Variants in CRAT observed in about 807,000 individuals in gnomAD.
The protein encoded by CRAT is carnitine acetylase.
In CRAT, 66 loss-of-function variants were observed where a neutral mutation model predicts 73.7. The observed-to-expected ratio is 0.90, with a 90% CI of 0.73 to 1.10. The LOEUF is 1.10. Ranked by LOEUF, CRAT falls within the 50% of genes least tolerant of loss-of-function variation. CRAT has a pLI of 0.00. For synonymous variants in CRAT, 321 were observed against 343.2 expected, an observed-to-expected ratio of 0.94 and a Z score of 0.71; for missense variants, 745 against 846.9, an observed-to-expected ratio of 0.88 and a Z score of 1.49.
intron 6 of CRAT, among the ~76,000 whole-genome samples, chr9:129,101,115 G>A (rs1383896821): frequency 6.6e-6 from 1 of 152,152 alleles, no homozygotes; most frequent in African/African-American, 2.4e-5. Context: ...CTCAGCCAGA[G>A]GACTTGGACT....
At chr9:129,108,408 C>T in intron 1 of CRAT, 2 of 1,184,958 alleles carry the variant, frequency 1.7e-6, no homozygotes, top group Non-Finnish European at 2.1e-6. Flanking sequence ...CCTTTCTCAC[C>T]CTGGAAGAGG....
At chr9:129,101,746 T>C (rs1010134071) in intron 6 of CRAT, 137 bp downstream of exon 6, 3 of 1,131,798 alleles carry the variant, frequency 2.7e-6, no homozygotes, top group African/African-American at 1.6e-5. Context: ...GCTCCCACCT[T>C]CATGAACTCT....
chr9:129,105,695 C>A (rs1032201634), intron 2 of CRAT, among the ~76,000 whole-genome samples: 3 of 152,184 alleles, frequency 2.0e-5, no homozygotes, highest in East Asian at 1.9e-4. Context: ...TCAGAGCAGC[C>A]TGAGGAACCT....
At position 129,103,861 on chromosome 9, in the gene CRAT, T is replaced by C. The variant is rs1269754125; in HGVS notation, c.410+327A>G. Among the ~76,000 whole-genome samples, 1 of 150,580 alleles carries C rather than the reference T, an allele frequency of 6.6e-6. No individual in the cohort carries two copies. Among genetic ancestry groups the C allele is most frequent in the African/African-American group, 2.5e-5 (1 of 40,792 alleles). The stretch of plus-strand genomic sequence containing the variant: ...CACCCCTGTGGCTAGCTGAGAAGAG[T>C]GGAAAGGAGAGGTGAAGTGCTAAAA... On this transcript the variant is annotated intron_variant, in intron 3 of 13. Transcript: ENST00000318080. This position sits in a 1 kb window ranked among gnomAD's most constrained non-coding sequence, Gnocchi z 4.6.
At chr9:129,108,743 G>A in intron 1 of CRAT, 1 of 1,304,024 alleles carries the variant, frequency 7.7e-7, no homozygotes, top group South Asian at 1.2e-5. Flanking sequence ...CAGGCGAGTG[G>A]CAGGAGCTCT....
rs368157847 is a variant in CRAT, at chr9:129,098,816, C to T, written c.1086-166G>A. Among the ~76,000 whole-genome samples the T allele has an allele frequency of 9.9e-4, 126 of 127,536 alleles. 3 individuals carry two copies. Among genetic ancestry groups the T allele is most frequent in the African/African-American group, 3.6e-3 (119 of 32,792 alleles). 83.7% of individuals were successfully genotyped at this position (127,536 alleles called of 152,430 possible). A position where few individuals can be genotyped will look rare whatever the true frequency, so the allele number is the denominator to read the frequency against. On this transcript the variant is annotated intron_variant, in intron 8 of 13. Coordinates refer to ENST00000318080, the MANE Select transcript of CRAT (RefSeq NM_000755.5). ...TCACTTCAGCTTTTTTTTCTTTTTTCTTTTTTTTTTTTTTTTAGATGGAGT... is the reference window on the plus strand; with the variant it reads ...TCACTTCAGCTTTTTTTTCTTTTTTTTTTTTTTTTTTTTTTTAGATGGAGT...
At position 129,097,110 on chromosome 9, in the gene CRAT, C is replaced by T. The variant is rs1037289288; in HGVS notation, c.1527+140G>A. 15 of 634,728 alleles carry T rather than the reference C, an allele frequency of 2.4e-5. No homozygotes were observed. In the African/African-American group the frequency reaches 2.9e-4, roughly 12 times the overall value. 39.3% of individuals were successfully genotyped at this position (634,728 alleles called of 1,614,324 possible). On this transcript the variant is annotated intron_variant, in intron 12 of 13. Coordinates refer to ENST00000318080, the MANE Select transcript of CRAT (RefSeq NM_000755.5). ...AAAAGTTGGGGGCTATTCAGCCTGG[C>T]TCCAGGTGCTCCCAGGTTGGGGGAG...
chr9:129,108,730 G>T (rs1332742490), intron 1 of CRAT: 4 of 1,303,750 alleles, frequency 3.1e-6, no homozygotes, highest in Non-Finnish European at 4.0e-6. Context: ...CTCTTGCAGT[G>T]GGCAGGCGAG....
At chr9:129,099,270 G>A (rs1396973000) in intron 8 of CRAT, among the ~76,000 whole-genome samples, 1 of 151,548 alleles carries the variant, frequency 6.6e-6, no homozygotes, top group Non-Finnish European at 1.5e-5. Context: ...AGCCTCCCAA[G>A]TAGCTGGGAT....
In CRAT at chr9:129,095,189, G is replaced by C. The variant is rs781091098; in HGVS notation, c.*208C>G. 5 of 610,762 alleles carry C rather than the reference G, an allele frequency of 8.2e-6. No individual in the cohort carries two copies. The highest frequency in any genetic ancestry group is 3.7e-5 in the African/African-American group (2 of 54,032). 37.8% of individuals were successfully genotyped at this position (610,762 alleles called of 1,614,324 possible). A position where few individuals can be genotyped will look rare whatever the true frequency, so the allele number is the denominator to read the frequency against. On this transcript the variant is annotated 3_prime_UTR_variant, in exon 14 of 14. Coordinates refer to ENST00000318080, the MANE Select transcript of CRAT (RefSeq NM_000755.5). The stretch of plus-strand genomic sequence containing the variant: ...CAGCCTCTGCACTCAGCCCCAGGTC[G>C]GGCCCTGGCAGGTGCTGGGATGACC...
intron 1 of CRAT, chr9:129,109,377 T>G: frequency 1.1e-6 from 1 of 922,390 alleles, no homozygotes; most frequent in Non-Finnish European, 1.5e-6. Context: ...TCTCCAGGAC[T>G]CCTGGGACCC....
At chr9:129,104,151 C>A (rs1243112526) in intron 3 of CRAT, 37 bp downstream of exon 3, 1 of 1,517,244 alleles carries the variant, frequency 6.6e-7, no homozygotes. Flanking sequence ...CTCGAGGGGC[C>A]CGGCTGCCTC....
At chr9:129,108,850 C>G (rs1315847168) in intron 1 of CRAT, 1 of 1,303,954 alleles carries the variant, frequency 7.7e-7, no homozygotes, top group Admixed American at 2.3e-5. Context: ...CTAAGCCTAA[C>G]TGTGCTACAA....
chr9:129,103,199 C>G lies in CRAT; in HGVS notation c.411-133G>C. ...ACCGCTTCCAGAAAGCCTGGGAGCG[C>G]AAGGGAGGGGCCTGCGAGTCCCAGC... On this transcript the variant is annotated intron_variant, in intron 3 of 13. Coordinates refer to ENST00000318080, the MANE Select transcript of CRAT (RefSeq NM_000755.5). The surrounding 1 kb of genome is among the most constrained non-coding windows in gnomAD (Gnocchi z 4.6). 7.6e-6 allele frequency: 6 copies of G among 786,220 alleles called. No individual in the cohort carries two copies. The allele number at this position is 786,220 out of a possible 1,614,324, so 48.7% of individuals were successfully genotyped here.
chr9:129,100,713 G>C, intron 6 of CRAT, 24 bp from the exon 7 acceptor site: 1 of 1,604,540 alleles, frequency 6.2e-7, no homozygotes, highest in African/African-American at 1.3e-5. Context: ...GGGGCGGGGA[G>C]ACGCAAAATG....
At position 129,098,303 on chromosome 9, in the gene CRAT, T is replaced by C; in HGVS notation, c.1274A>G (p.Glu425Gly). The C allele has an allele frequency of 6.2e-7, 1 of 1,614,042 alleles. No homozygotes were observed. Among genetic ancestry groups the C allele is most frequent in the South Asian group, 1.1e-5 (1 of 91,086 alleles). ...HHFGKDFPKS[E>G]KLSPDAFIQM... ...GATGAAGGCATCTGGGCTTAGCTTCTCCGACTTGGGGAAGTCTTTTCCAAA... is the reference window on the plus strand; with the variant it reads ...GATGAAGGCATCTGGGCTTAGCTTCCCCGACTTGGGGAAGTCTTTTCCAAA... The change falls in exon 10 of 14, where the codon GAG becomes GGG. Residue 425 changes from glutamate to glycine, a missense_variant. Transcript: ENST00000318080.
intron 5 of CRAT, 137 bp downstream of exon 5, chr9:129,102,263 G>T: frequency 7.5e-7 from 1 of 1,334,626 alleles, no homozygotes; most frequent in Non-Finnish European, 1.0e-6. Flanking sequence ...GCCCCCAATG[G>T]AGAAGCCAGG....
intron 2 of CRAT, among the ~76,000 whole-genome samples, chr9:129,105,912 C>T (rs1247361457): frequency 2.0e-5 from 3 of 152,064 alleles, no homozygotes; most frequent in East Asian, 1.9e-4. Context: ...CCATGTCTGG[C>T]GCTGCGCACA....
Position 129,101,959 on chromosome 9 carries a change from G to T in CRAT, c.729C>A (p.Thr243=), listed in dbSNP as rs745998010. The T allele has an allele frequency of 6.8e-6, 11 of 1,614,082 alleles. No individual in the cohort carries two copies. The highest frequency in any genetic ancestry group is 1.6e-4 in the Middle Eastern group (1 of 6,072). ...LEKIWNSSLQ[T]NKEPVGILTS... is the part of the protein sequence containing the mutation. ...TGAGGATGCCCACAGGCTCCTTGTT[G>T]GTCTGTAGGGATGAGTTCCAGATCT... is the stretch of plus-strand genomic sequence containing the variant. The change falls in exon 6 of 14, where the codon ACC becomes ACA. Residue 243 remains threonine (T), a synonymous_variant. Transcript: ENST00000318080.
Sources: allele counts gnomAD v4.1 joint callset (sites outside exome capture counted in the v4.1 genomes callset), GRCh38; gene constraint gnomAD v4.1.1; non-coding constraint Gnocchi (gnomAD v3.1); transcripts MANE v1.5; gene names NCBI Gene and HGNC (gene_info 2026-07-23, HGNC 2026-07-21).